Variants in RALB observed in about 807,000 individuals in gnomAD.
RALB encodes the protein ras-related protein Ral-B.
In RALB, 16 loss-of-function variants were observed where a neutral mutation model predicts 21.3. The observed-to-expected ratio is 0.75, with a 90% confidence interval of 0.51 to 1.14. The LOEUF (loss-of-function observed/expected upper bound fraction) is 1.14, where lower values mean the gene tolerates loss of function less well. Ranked by LOEUF, RALB falls within the 50% of genes most tolerant of loss-of-function variation. RALB has a pLI of 0.00. For synonymous variants in RALB, 93 were observed against 96.1 expected (o/e 0.97, Z 0.19); for missense variants, 161 against 256.2 (o/e 0.63, Z 2.54).
rs1276426100 is a variant in RALB at position 120,293,215 on chromosome 2, C to A, written c.576C>A (p.Ser192Arg). ...ACAAAGACAAGAATGGCAAGAAAAG[C>A]AGCAAGAACAAGAAAAGTTTTAAAG... ...SENKDKNGKK[S>R]SKNKKSFKER... Residue 192 changes from serine to arginine, a missense_variant, in exon 5 of 5, where the codon AGC (serine) becomes AGA (arginine). Ser to Arg is a moderately radical substitution (Grantham distance 110). Coordinates refer to ENST00000272519, the MANE Select transcript of RALB (RefSeq NM_002881.3). The A allele has an allele frequency of 1.9e-6, 3 of 1,613,368 alleles. No individual in the cohort carries two copies. The highest frequency in any genetic ancestry group is 2.5e-6 in the Non-Finnish European group (3 of 1,179,674).
chr2:120,294,418 A>C lies in RALB; in HGVS notation c.*1158A>C, dbSNP rs2104674484. 2 of 397,538 alleles carry C rather than the reference A, an allele frequency of 5.0e-6. No individual in the cohort carries two copies. Among genetic ancestry groups the C allele is most frequent in the South Asian group, 2.8e-4 (2 of 7,026 alleles). The allele number at this position is 397,538 out of a possible 1,614,324, so 24.6% of individuals were successfully genotyped here. A position where few individuals can be genotyped will look rare whatever the true frequency, so the allele number is the denominator to read the frequency against. On this transcript the variant is annotated 3_prime_UTR_variant, in exon 5 of 5. Transcript: ENST00000272519. The stretch of plus-strand genomic sequence containing the variant: ...AGTTAGAAAAAGATTTTCATTGATG[A>C]CATATCTTTAAACTTTCTTGCATCA...
At chr2:120,272,979 A>C (rs560964590) in intron 1 of RALB, among the ~76,000 whole-genome samples, 1 of 152,314 alleles carries the variant, frequency 6.6e-6, no homozygotes, top group Non-Finnish European at 1.5e-5. Context: ...CAAACACAAC[A>C]GTGGACTCTT....
chr2:120,264,896 G>C (rs951749153), intron 1 of RALB, among the ~76,000 whole-genome samples: 1 of 152,084 alleles, frequency 6.6e-6, no homozygotes, highest in Non-Finnish European at 1.5e-5. Context: ...TTAGTATAAC[G>C]TCTTTAAGGG....
intron 1 of RALB, among the ~76,000 whole-genome samples, chr2:120,244,454 G>A (rs1200043075): frequency 6.6e-6 from 1 of 152,210 alleles, no homozygotes; most frequent in African/African-American, 2.4e-5. Flanking sequence ...AGTGTGCTGT[G>A]TGTCTCGCAG....
chr2:120,276,273 A>G (rs1319813565), intron 1 of RALB, among the ~76,000 whole-genome samples: 3 of 152,124 alleles, frequency 2.0e-5, no homozygotes, highest in African/African-American at 7.2e-5. Context: ...TCTTTTTTAG[A>G]AAATAATTGA....
chr2:120,276,337 A>G (rs1689792786), intron 1 of RALB, among the ~76,000 whole-genome samples: 1 of 152,156 alleles, frequency 6.6e-6, no homozygotes, highest in South Asian at 2.1e-4. Flanking sequence ...GCAGTGGCTC[A>G]CACCTGTAGT....
chr2:120,267,107 C>T (rs1689523460), intron 1 of RALB, among the ~76,000 whole-genome samples: 1 of 152,182 alleles, frequency 6.6e-6, no homozygotes, highest in African/African-American at 2.4e-5. Context: ...CACAGAGGTA[C>T]AGACCAGAAG....
At chr2:120,247,950 TG>T (rs977480541), upstream of RALB, among the ~76,000 whole-genome samples, 1 of 152,210 alleles carries the variant, frequency 6.6e-6, no homozygotes, top group African/African-American at 2.4e-5. Context: ...GGAATGGAGC[TG>T]TAACTAGCCA....
intron 1 of RALB, among the ~76,000 whole-genome samples, chr2:120,254,599 A>G (rs1041716924): frequency 1.3e-5 from 2 of 152,232 alleles, no homozygotes; most frequent in Admixed American, 6.5e-5. Flanking sequence ...TGAGGGTAGA[A>G]AAGTTCTAAA....
intron 3 of RALB, among the ~76,000 whole-genome samples, chr2:120,287,110 T>C (rs573406081): frequency 6.6e-5 from 10 of 152,320 alleles, no homozygotes; most frequent in Non-Finnish European, 1.2e-4. Flanking sequence ...ATCAAATCAG[T>C]TTTTTTCATT....
At chr2:120,280,286 A>G (rs1001225797) in intron 2 of RALB, among the ~76,000 whole-genome samples, 2 of 152,210 alleles carry the variant, frequency 1.3e-5, no homozygotes, top group African/African-American at 2.4e-5. Context: ...TTACAATAGC[A>G]AAGACATGGA....
chr2:120,286,038 C>G lies in RALB; in HGVS notation c.279C>G (p.Phe93Leu). The G allele has an allele frequency of 6.2e-7, 1 of 1,613,996 alleles. No individual in the cohort carries two copies. The highest frequency in any genetic ancestry group is 1.7e-5 in the Admixed American group (1 of 59,988). The change falls in exon 3 of 5, where the codon TTC becomes TTG. Residue 93 changes from phenylalanine (F) to leucine (L), a missense_variant. Transcript: ENST00000272519. ...FRSGEGFLLV[F>L]SITEHESFTA... The stretch of plus-strand genomic sequence containing the variant: ...GTGGGGAAGGGTTTCTTCTTGTGTT[C>G]TCAATCACAGAACATGAATCCTTTA...
upstream of RALB, among the ~76,000 whole-genome samples, chr2:120,251,456 G>C (rs920550975): frequency 3.3e-5 from 5 of 152,210 alleles, no homozygotes; most frequent in East Asian, 9.6e-4. Flanking sequence ...CTTACCTATA[G>C]CATGGAGGTG....
intron 2 of RALB, among the ~76,000 whole-genome samples, chr2:120,285,311 A>T (rs1057497106): frequency 6.6e-6 from 1 of 152,166 alleles, no homozygotes; most frequent in Non-Finnish European, 1.5e-5. Flanking sequence ...CACTTCCCCA[A>T]CACATTGGGA....
chr2:120,259,996 G>C (rs1294747390), intron 1 of RALB, among the ~76,000 whole-genome samples: 1 of 152,246 alleles, frequency 6.6e-6, no homozygotes, highest in Non-Finnish European at 1.5e-5. Flanking sequence ...TGGCCTGGCT[G>C]CTAAGTCCCT....
chr2:120,252,960 A>G lies in RALB; in HGVS notation c.-68A>G. 2 of 984,784 alleles carry G rather than the reference A, an allele frequency of 2.0e-6. No individual in the cohort carries two copies. Among genetic ancestry groups the G allele is most frequent in the Non-Finnish European group, 1.2e-6 (1 of 830,120 alleles). The allele number at this position is 984,784 out of a possible 1,614,324, so 61.0% of individuals were successfully genotyped here. ...GCTGCGGGCCGGGTGCGGACGGCGG[A>G]GGCGGCGGGACTGGTCCCTGGTAAG... On this transcript the variant is annotated 5_prime_UTR_variant, in exon 1 of 5. Transcript: ENST00000272519.
chr2:120,283,652 G>A (rs1263828892), intron 2 of RALB, among the ~76,000 whole-genome samples: 1 of 152,214 alleles, frequency 6.6e-6, no homozygotes, highest in Non-Finnish European at 1.5e-5. Flanking sequence ...GAGTAAGGTT[G>A]GGGATGGAGA....
At chr2:120,273,805 T>G (rs1458917472) in intron 1 of RALB, among the ~76,000 whole-genome samples, 2 of 152,210 alleles carry the variant, frequency 1.3e-5, no homozygotes, top group Non-Finnish European at 2.9e-5. Context: ...ATTGGTTCAG[T>G]GAGGGGCATG....
intron 4 of RALB, among the ~76,000 whole-genome samples, chr2:120,292,032 C>A (rs1220215588): frequency 6.6e-6 from 1 of 152,198 alleles, no homozygotes; most frequent in African/African-American, 2.4e-5. Flanking sequence ...AATGTCTCTT[C>A]GTAGGATTCA....
Sources: allele counts gnomAD v4.1 joint callset (sites outside exome capture counted in the v4.1 genomes callset), GRCh38; gene constraint gnomAD v4.1.1; transcripts MANE v1.5; gene names NCBI Gene and HGNC (gene_info 2026-07-23, HGNC 2026-07-21).